C1orf198: variants seen among roughly 807,000 people sequenced by gnomAD.
C1orf198 encodes the protein chromosome 1 open reading frame 198.
In C1orf198, 17 loss-of-function variants were observed where a neutral mutation model predicts 31.4. The observed-to-expected ratio is 0.54, with a 90% CI of 0.37 to 0.81. C1orf198 has a LOEUF of 0.81. Among genes scored for constraint, C1orf198 ranks in the 40% least tolerant of loss-of-function variants. The pLI is 0.00. For synonymous variants in C1orf198, 175 were observed against 193.8 expected, an observed-to-expected ratio of 0.90 and a Z score of 0.81; for missense variants, 401 against 450.3, an observed-to-expected ratio of 0.89 and a Z score of 0.99.
chr1:230,855,885 A>C, intron 1 of C1orf198, 167 bp from the exon 2 acceptor site: 7 of 1,399,202 alleles, frequency 5.0e-6, no homozygotes, highest in Non-Finnish European at 6.5e-6. Context: ...GACCGTCTTG[A>C]TCAGATTGCT....
At chr1:230,847,121 A>G (rs1429433723) in intron 2 of C1orf198, among the ~76,000 whole-genome samples, 10 of 118,616 alleles carry the variant, frequency 8.4e-5, no homozygotes, top group African/African-American at 2.6e-4. Context: ...AAAAAAAAAA[A>G]AAAAAAAATC....
intron 2 of C1orf198, among the ~76,000 whole-genome samples, chr1:230,852,335 GAA>G (rs60188490): frequency 6.7e-6 from 1 of 149,874 alleles, no homozygotes; most frequent in East Asian, 2.0e-4. Flanking sequence ...ATATCTACTG[GAA>G]AAAAAAAATC....
rs181136837 is a variant in C1orf198 at position 230,852,387 on chromosome 1, C to T, written c.384+3281G>A. ...GAGACAGAAAATAGATGGTGGCTGC[C>T]ATGGGCTAGTGAGAGTGGGGGGCAG... On this transcript the variant is annotated intron_variant, in intron 2 of 3. Transcript: ENST00000366663. Among the ~76,000 whole-genome samples, 464 of 152,064 alleles carry T rather than the reference C, an allele frequency of 3.1e-3. 3 individuals carry two copies. Among genetic ancestry groups the T allele is most frequent in the East Asian group, 5.4e-3 (28 of 5,174 alleles).
At chr1:230,842,926 C>T (rs1399225758) in intron 3 of C1orf198, among the ~76,000 whole-genome samples, 1 of 152,180 alleles carries the variant, frequency 6.6e-6, no homozygotes, top group East Asian at 1.9e-4. Flanking sequence ...AGTGTGCCTG[C>T]CTGCTTTGCC....
rs1342456899 is a variant in C1orf198, at chr1:230,839,261, G to A, written c.*591C>T. 6.4e-6 allele frequency: 1 copy of A among 155,216 alleles called. No individual in the cohort carries two copies. Among genetic ancestry groups the A allele is most frequent in the Non-Finnish European group, 1.4e-5 (1 of 70,508 alleles). The allele number at this position is 155,216 out of a possible 1,614,324, so 9.6% of individuals were successfully genotyped here. On this transcript the variant is annotated 3_prime_UTR_variant, in exon 4 of 4. Coordinates refer to ENST00000366663, the MANE Select transcript of C1orf198 (RefSeq NM_032800.3). ...CTACACTGCTACATACCCGCAGTCT[G>A]TTCCCTGGAAATGGCGTGAGGGTGG...
chr1:230,841,593 C>T (rs1274210824), intron 3 of C1orf198, among the ~76,000 whole-genome samples: 2 of 152,222 alleles, frequency 1.3e-5, no homozygotes, highest in Admixed American at 1.3e-4. Flanking sequence ...TGAGACACCA[C>T]CTCATACCCC....
chr1:230,845,153 G>GC (rs2102975645), intron 2 of C1orf198, among the ~76,000 whole-genome samples: 1 of 149,648 alleles, frequency 6.7e-6, no homozygotes, highest in East Asian at 2.0e-4. Context: ...AATCGCTTGA[G>GC]CCCAGTTTGA....
chr1:230,862,113 C>T (rs1460174906), intron 1 of C1orf198, among the ~76,000 whole-genome samples: 6 of 152,184 alleles, frequency 3.9e-5, no homozygotes, highest in Non-Finnish European at 2.9e-5. Context: ...GGGTGGAACA[C>T]GTTGTTCCTG....
At chr1:230,839,980 A>G in intron 3 of C1orf198, 72 bp from the exon 4 acceptor site, 1 of 1,398,422 alleles carries the variant, frequency 7.2e-7, no homozygotes, top group Non-Finnish European at 9.8e-7. Flanking sequence ...TAAAAACAGC[A>G]TCTCATTTAA....
intron 2 of C1orf198, among the ~76,000 whole-genome samples, chr1:230,851,112 C>G (rs556540998): frequency 1.3e-5 from 2 of 152,250 alleles, no homozygotes; most frequent in East Asian, 3.9e-4. Flanking sequence ...TATGTATCTT[C>G]CCAAGGAGGC....
Position 230,839,850 on chromosome 1 carries a change from T to C in C1orf198, c.*2A>G. 6.2e-6 allele frequency: 10 copies of C among 1,611,368 alleles called. No homozygotes were observed. Among genetic ancestry groups the C allele is most frequent in the Non-Finnish European group, 8.5e-6 (10 of 1,178,988 alleles). On this transcript the variant is annotated 3_prime_UTR_variant, in exon 4 of 4. Coordinates refer to ENST00000366663, the MANE Select transcript of C1orf198 (RefSeq NM_032800.3). ...TTCTTCATTGTATTTTTCTAATACA[T>C]TTTACCAATTGTCCAGAAAATCAAA...
intron 1 of C1orf198, among the ~76,000 whole-genome samples, chr1:230,861,812 G>C (rs927445022): frequency 6.6e-6 from 1 of 152,228 alleles, no homozygotes; most frequent in Non-Finnish European, 1.5e-5. Flanking sequence ...CGGGGAGTGA[G>C]GGGCTTTCTG....
Position 230,843,565 on chromosome 1 carries a change from T to C in C1orf198, c.716A>G (p.Glu239Gly). The stretch of plus-strand genomic sequence containing the variant: ...GGTGCTGGGCCTTTCCACCTTGGCC[T>C]CCCTGTCCTTCGGGGCAGGTTCCTG... ...YRQEPAPKDR[E>G]AKVERPSTLR... The change falls in exon 3 of 4, where the codon GAG (glutamate) becomes GGG (glycine). Residue 239 changes from glutamate (E) to glycine (G), a missense_variant. Transcript: ENST00000366663. The surrounding 1 kb of genome is among the most constrained non-coding windows in gnomAD (Gnocchi z 4.9). 1.2e-6 allele frequency: 2 copies of C among 1,613,960 alleles called. No individual in the cohort carries two copies. The highest frequency in any genetic ancestry group is 8.5e-7 in the Non-Finnish European group (1 of 1,179,882).
chr1:230,849,503 T>G (rs574956774), intron 2 of C1orf198, among the ~76,000 whole-genome samples: 153 of 152,206 alleles, frequency 1.0e-3, no homozygotes, highest in Non-Finnish European at 6.8e-4. Context: ...CCACGGAGGC[T>G]CTGCTGGGAG....
At chr1:230,869,377 G>A (rs1055977553), upstream of C1orf198, 1 of 152,212 alleles carries the variant, frequency 6.6e-6, no homozygotes, top group African/African-American at 2.4e-5. Flanking sequence ...GCCAGGGTTT[G>A]TAATTTTGAG....
At chr1:230,868,145 A>G (rs7525007) in intron 1 of C1orf198, 35 bp downstream of exon 1, 42 of 921,082 alleles carry the variant, frequency 4.6e-5, no homozygotes, top group East Asian at 6.2e-5. Context: ...GGGCGCCGGG[A>G]GGGGAAGAGG....
intron 3 of C1orf198, among the ~76,000 whole-genome samples, chr1:230,841,059 T>C (rs1451759727): frequency 1.3e-5 from 2 of 152,224 alleles, no homozygotes; most frequent in East Asian, 1.9e-4. Context: ...ACCTATTTTA[T>C]GGAAATACTT....
rs1477591147 is a variant in C1orf198 at position 230,839,374 on chromosome 1, A to G, written c.*478T>C. 3 of 161,416 alleles carry G rather than the reference A, an allele frequency of 1.9e-5. No homozygotes were observed. The highest frequency in any genetic ancestry group is 7.3e-5 in the African/African-American group (3 of 41,250). 10.0% of individuals were successfully genotyped at this position (161,416 alleles called of 1,614,324 possible). A position where few individuals can be genotyped will look rare whatever the true frequency, so the allele number is the denominator to read the frequency against. ...CTGGCTGAGAACGTCGCTGGGGGCCAGTCTTTCCGGGGTCACAGCCAGCAT... is the reference window on the plus strand; with the variant it reads ...CTGGCTGAGAACGTCGCTGGGGGCCGGTCTTTCCGGGGTCACAGCCAGCAT... On this transcript the variant is annotated 3_prime_UTR_variant, in exon 4 of 4. Transcript: ENST00000366663.
chr1:230,868,573 C>CGCCCCGCGCCACCCGGA (rs1488149271), upstream of C1orf198: 11 of 1,127,648 alleles, frequency 9.8e-6, no homozygotes, highest in Middle Eastern at 3.7e-4. Context: ...GCCCTCGCCC[C>CGCCCCGCGCCACCCGGA]GCCCCGCGCC....
Sources: gnomAD v4.1 joint callset for allele counts (sites outside exome capture counted in the v4.1 genomes callset) on GRCh38, gnomAD v4.1.1 for gene constraint, Gnocchi (gnomAD v3.1) non-coding constraint, MANE v1.5 for transcripts, NCBI Gene and HGNC (gene_info 2026-07-23, HGNC 2026-07-21) for gene names.